The following TAF4 variants were observed in gnomAD, a reference collection of about 807,000 sequenced individuals.
The protein encoded by TAF4 is transcription initiation factor TFIID subunit 4.
A neutral mutation model predicts 90.3 loss-of-function variants in TAF4; 9 were observed. That is an observed-to-expected ratio of 0.10 (90% CI 0.06 to 0.17). The LOEUF (loss-of-function observed/expected upper bound fraction) is 0.17, where lower values mean the gene tolerates loss of function less well. Ranked by LOEUF, TAF4 falls within the 10% of genes least tolerant of loss-of-function variation. TAF4 has a pLI of 1.00. For synonymous variants in TAF4, 818 were observed against 638.9 expected (o/e 1.28, Z -4.23); for missense variants, 1,351 against 1,370.7 (o/e 0.99, Z 0.23).
At chr20:62,037,882 G>C (rs1238033551) in intron 1 of TAF4, 2 of 221,956 alleles carry the variant, frequency 9.0e-6, no homozygotes, top group African/African-American at 4.6e-5. Context: ...CGTTCTTAAA[G>C]TGATCAAGAA....
At chr20:62,057,461 G>A (rs1013784305) in intron 1 of TAF4, among the ~76,000 whole-genome samples, 7 of 152,198 alleles carry the variant, frequency 4.6e-5, no homozygotes, top group African/African-American at 1.4e-4. Flanking sequence ...CTGACTATTC[G>A]GAAATGGTCC....
At chr20:62,000,952 T>TTAAC (rs2055696891) in intron 9 of TAF4, among the ~76,000 whole-genome samples, 1 of 151,932 alleles carries the variant, frequency 6.6e-6, no homozygotes, top group Non-Finnish European at 1.5e-5. Context: ...TGGCGCCGGG[T>TTAAC]TAACATCTAC....
intron 14 of TAF4, among the ~76,000 whole-genome samples, chr20:61,991,522 C>T (rs944990621): frequency 6.6e-6 from 1 of 151,574 alleles, no homozygotes; most frequent in African/African-American, 2.4e-5. Context: ...CTGCTTGAAC[C>T]CTGGAGGTCG....
chr20:62,048,607 TCAC>T (rs544660955), intron 1 of TAF4, among the ~76,000 whole-genome samples: 63 of 152,102 alleles, frequency 4.1e-4, no homozygotes, highest in African/African-American at 1.4e-3. Context: ...CCCACCTCCG[TCAC>T]CAGGCTCCAT....
chr20:62,064,244 C>G, intron 1 of TAF4: 1 of 476,930 alleles, frequency 2.1e-6, no homozygotes, highest in Non-Finnish European at 3.4e-6. Context: ...GCGACAGGGA[C>G]GCAGGCTATG....
At chr20:61,997,747 G>A (rs1315249143) in intron 13 of TAF4, 78 bp from the exon 14 acceptor site, 5 of 1,467,350 alleles carry the variant, frequency 3.4e-6, no homozygotes, top group Admixed American at 2.4e-5. Flanking sequence ...ACATAGATAT[G>A]AAAGGGTTTT....
At chr20:62,044,475 A>G (rs2145505842) in intron 1 of TAF4, among the ~76,000 whole-genome samples, 1 of 152,378 alleles carries the variant, frequency 6.6e-6, no homozygotes, top group South Asian at 2.1e-4. Flanking sequence ...ATTGTGTATC[A>G]AATTGGTAAC....
chr20:61,991,129 A>G (rs1000201195), intron 14 of TAF4, among the ~76,000 whole-genome samples: 1 of 152,170 alleles, frequency 6.6e-6, no homozygotes. Flanking sequence ...TAAAAAAGAG[A>G]AAAATTAGGC....
At chr20:62,020,170 C>A (rs1313414195) in intron 1 of TAF4, among the ~76,000 whole-genome samples, 1 of 152,258 alleles carries the variant, frequency 6.6e-6, no homozygotes, top group African/African-American at 2.4e-5. Flanking sequence ...AGCATGGCAC[C>A]AGCCCCAGCC....
At chr20:62,022,808 A>T (rs1259236203) in intron 1 of TAF4, among the ~76,000 whole-genome samples, 1 of 152,178 alleles carries the variant, frequency 6.6e-6, no homozygotes, top group Non-Finnish European at 1.5e-5. Context: ...CTGTAACCCG[A>T]ATATTTTGCT....
intron 1 of TAF4, among the ~76,000 whole-genome samples, chr20:62,053,151 C>A (rs564427139): frequency 1.3e-5 from 2 of 152,276 alleles, no homozygotes; most frequent in Admixed American, 1.3e-4. Context: ...CCACAGAGCA[C>A]CCGAAAGTGG....
chr20:62,013,184 C>A (rs2055789513), intron 2 of TAF4, among the ~76,000 whole-genome samples: 2 of 152,250 alleles, frequency 1.3e-5, no homozygotes. Context: ...AAGGTCATCT[C>A]TGAAGAACGC....
chr20:61,988,428 G>C (rs548079729), intron 14 of TAF4, among the ~76,000 whole-genome samples: 1 of 152,274 alleles, frequency 6.6e-6, no homozygotes, highest in South Asian at 2.1e-4. Flanking sequence ...GGTCTTCAAT[G>C]AACAGTATCA....
chr20:62,042,428 G>A (rs557637382), intron 1 of TAF4, among the ~76,000 whole-genome samples: 10 of 152,348 alleles, frequency 6.6e-5, no homozygotes, highest in South Asian at 2.1e-4. Context: ...ACAAGGACTC[G>A]GGTACCGAGA....
intron 14 of TAF4, among the ~76,000 whole-genome samples, chr20:61,992,301 T>C (rs1450676613): frequency 6.6e-6 from 1 of 152,232 alleles, no homozygotes; most frequent in Non-Finnish European, 1.5e-5. Flanking sequence ...AGAAAGCACA[T>C]GAACAACTTT....
rs1180230428 is a variant in TAF4, at chr20:62,065,514, GC to G, written c.296del (p.Gly99AlafsTer28). 2.1e-6 allele frequency: 2 copies of G among 973,922 alleles called. No individual in the cohort carries two copies. The highest frequency in any genetic ancestry group is 4.6e-5 in the South Asian group (1 of 21,692). 60.3% of individuals were successfully genotyped at this position (973,922 alleles called of 1,614,324 possible). On this transcript the variant is annotated frameshift_variant, in exon 1 of 15. Coordinates refer to ENST00000252996, the MANE Select transcript of TAF4 (RefSeq NM_003185.4). LOFTEE classifies it high-confidence loss of function. The part of the protein sequence containing the change: ...PPPAGRARPG[G>X]GGPQRPGPPS... Reference sequence around the variant, plus strand: ...GGGGGCCCGGGCGCTGCGGCCCCCCGCCCCCCGGCCGCGCTCTACCTGCGGG... The same window carrying G: ...GGGGGCCCGGGCGCTGCGGCCCCCCGCCCCCGGCCGCGCTCTACCTGCGGG...
At position 62,000,596 on chromosome 20, in the gene TAF4, G is replaced by A. The variant is rs773005999; in HGVS notation, c.2612C>T (p.Thr871Ile). 6.2e-7 allele frequency: 1 copy of A among 1,614,232 alleles called. No individual in the cohort carries two copies. Among genetic ancestry groups the A allele is most frequent in the Non-Finnish European group, 8.5e-7 (1 of 1,180,016 alleles). Residue 871 changes from threonine to isoleucine, a missense_variant, in exon 10 of 15, where the codon ACC becomes ATC. Physicochemically the swap from Thr to Ile is moderately conservative, Grantham distance 89 (BLOSUM62 -1). This residue lies in a region of TAF4 where 95 missense variants were observed against 151.3 expected (regional missense o/e 0.63). Transcript: ENST00000252996. ...GTLTRSCKDETFLLQAPLQRR... is the reference protein window; with the variant it reads ...GTLTRSCKDEIFLLQAPLQRR... ...CTGCAAAGGCGCTTGGAGGAGGAAG[G>A]TTTCATCTTTACAGGACCGCGTTAG... is the stretch of plus-strand genomic sequence containing the variant.
At position 62,064,891 on chromosome 20, in the gene TAF4, C is replaced by G. The variant is rs1761978431; in HGVS notation, c.920G>C (p.Gly307Ala). ...VPPPAAAQNGGSAGAAPAPAP... is the reference protein window; with the variant it reads ...VPPPAAAQNGASAGAAPAPAP... ...GGGGGCGGGGGCTGCCCCGGCGCTGCCCCCGTTCTGGGCGGCGGCGGGGGG... is the reference window on the plus strand; with the variant it reads ...GGGGGCGGGGGCTGCCCCGGCGCTGGCCCCGTTCTGGGCGGCGGCGGGGGG... Residue 307 changes from glycine to alanine, a missense_variant, in exon 1 of 15, where the codon GGC becomes GCC. This residue lies in a region of TAF4 where 782 missense variants were observed against 536.6 expected (regional missense o/e 1.46). Transcript: ENST00000252996. 3 of 863,304 alleles carry G rather than the reference C, an allele frequency of 3.5e-6. No homozygotes were observed. The highest frequency in any genetic ancestry group is 4.1e-6 in the Non-Finnish European group (3 of 725,854). The allele number at this position is 863,304 out of a possible 1,614,324, so 53.5% of individuals were successfully genotyped here.
At chr20:62,029,295 A>G (rs1267228348) in intron 1 of TAF4, among the ~76,000 whole-genome samples, 1 of 152,154 alleles carries the variant, frequency 6.6e-6, no homozygotes, top group Non-Finnish European at 1.5e-5. Flanking sequence ...TGCAAGATAA[A>G]ACTCGGAGGC....
Sources: allele counts gnomAD v4.1 joint callset (sites outside exome capture counted in the v4.1 genomes callset), GRCh38; gene constraint gnomAD v4.1.1; regional missense constraint gnomAD v4.1.1; transcripts MANE v1.5; gene names NCBI Gene and HGNC (gene_info 2026-07-23, HGNC 2026-07-21).